The following SPG11 variants were observed in gnomAD, a reference collection of about 807,000 sequenced individuals.
SPG11 encodes spatacsin.
SPG11 carries 222 observed loss-of-function variants against 274.0 expected under a neutral mutation model. The observed-to-expected ratio is 0.81, with a 90% CI of 0.73 to 0.91. The LOEUF (loss-of-function observed/expected upper bound fraction) is 0.91. Ranked by LOEUF, SPG11 falls within the 40% of genes least tolerant of loss-of-function variation. The probability of loss-of-function intolerance (pLI) is 0.00; values close to 1 mark genes in which losing one functional copy is unlikely to be tolerated. For missense variants in SPG11, 3,114 were observed against 2,872.7 expected (o/e 1.08, Z -1.92); for synonymous variants, 1,144 against 1,039.7 (o/e 1.10, Z -1.93).
chr15:44,611,098 A>G, intron 17 of SPG11, 113 bp from the exon 18 acceptor site: 1 of 780,102 alleles, frequency 1.3e-6, no homozygotes, highest in Non-Finnish European at 1.9e-6. Flanking sequence ...CAGTAAAAAA[A>G]AAAAAAAAAA....
chr15:44,564,401 T>C lies in SPG11; in HGVS notation c.7151+146A>G, dbSNP rs1595815039. 1.2e-5 allele frequency: 9 copies of C among 752,930 alleles called. No individual in the cohort carries two copies. The East Asian group carries it at 2.1e-4, about 18-fold the overall frequency. The allele number at this position is 752,930 out of a possible 1,614,324, so 46.6% of individuals were successfully genotyped here. On this transcript the variant is annotated intron_variant, in intron 39 of 39. Transcript: ENST00000261866. ...CTTTGCATAAATCTGTTAAAAGACTTCCTTCTAAGGATTCTTGATACTGCT... is the reference window on the plus strand; with the variant it reads ...CTTTGCATAAATCTGTTAAAAGACTCCCTTCTAAGGATTCTTGATACTGCT...
chr15:44,571,217 C>T (rs1007686925), intron 33 of SPG11, among the ~76,000 whole-genome samples: 1 of 152,178 alleles, frequency 6.6e-6, no homozygotes, highest in Non-Finnish European at 1.5e-5. Context: ...AGCCTCTGGG[C>T]TTTTGCATCT....
chr15:44,654,640 A>C (rs2084884394), intron 4 of SPG11, among the ~76,000 whole-genome samples: 1 of 152,102 alleles, frequency 6.6e-6, no homozygotes, highest in Non-Finnish European at 1.5e-5. Context: ...ATAAGTTCAA[A>C]ACCAGCCTGG....
chr15:44,605,912 A>G (rs1595872683), intron 20 of SPG11, 113 bp downstream of exon 20: 27 of 933,264 alleles, frequency 2.9e-5, no homozygotes, highest in Non-Finnish European at 4.4e-5. Context: ...TTTGGAATAC[A>G]CCTTTACTTT....
intron 10 of SPG11, among the ~76,000 whole-genome samples, chr15:44,626,916 G>A (rs1028924460): frequency 6.6e-6 from 1 of 151,686 alleles, no homozygotes; most frequent in African/African-American, 2.4e-5. Flanking sequence ...GAGATAAGAG[G>A]ATAAGTGTTC....
intron 30 of SPG11, among the ~76,000 whole-genome samples, chr15:44,580,627 T>C (rs1250675880): frequency 3.9e-5 from 6 of 151,910 alleles, no homozygotes; most frequent in African/African-American, 1.2e-4. Flanking sequence ...AAATACAAAA[T>C]ACAAAATACA....
intron 13 of SPG11, 40 bp downstream of exon 13, chr15:44,622,180 C>T (rs761207496): frequency 1.1e-5 from 17 of 1,588,542 alleles, no homozygotes; most frequent in South Asian, 6.7e-5. Context: ...TACTATCTAA[C>T]GGTATTCTAA....
At chr15:44,649,232 T>C (rs2141099842) in intron 6 of SPG11, among the ~76,000 whole-genome samples, 1 of 152,200 alleles carries the variant, frequency 6.6e-6, no homozygotes, top group East Asian at 1.9e-4. Flanking sequence ...AGAGTCTCCC[T>C]CTATTGCCTA....
intron 32 of SPG11, among the ~76,000 whole-genome samples, 160 bp from the exon 33 acceptor site, chr15:44,572,980 C>CTTTTTTT (rs974510197): frequency 1.7e-4 from 14 of 83,298 alleles, no homozygotes; most frequent in Non-Finnish European, 2.0e-4. Flanking sequence ...GACAGGAGTT[C>CTTTTTTT]TTTTTTTTTT....
At chr15:44,594,522 G>A (rs1057087662) in intron 26 of SPG11, among the ~76,000 whole-genome samples, 1 of 149,908 alleles carries the variant, frequency 6.7e-6, no homozygotes, top group African/African-American at 2.5e-5. Context: ...GAGGCAGGAG[G>A]ATCACTGAGC....
intron 20 of SPG11, among the ~76,000 whole-genome samples, chr15:44,604,758 C>A (rs2083277317): frequency 6.6e-6 from 1 of 151,520 alleles, no homozygotes; most frequent in Non-Finnish European, 1.5e-5. Flanking sequence ...GAAACCCCAC[C>A]TCTACTAAAA....
At chr15:44,617,685 G>T (rs978775417) in intron 15 of SPG11, among the ~76,000 whole-genome samples, 2 of 151,538 alleles carry the variant, frequency 1.3e-5, no homozygotes. Flanking sequence ...TCTTTTTGTT[G>T]TTTTTTTTGA....
At chr15:44,593,325 G>A (rs2082950099) in intron 26 of SPG11, among the ~76,000 whole-genome samples, 4 of 152,084 alleles carry the variant, frequency 2.6e-5, no homozygotes, top group South Asian at 4.1e-4. Flanking sequence ...TAGAGTAGCT[G>A]GGACTAGAGG....
rs1199482659 is a variant in SPG11, at chr15:44,652,161, C to G, written c.975G>C (p.Met325Ile). Residue 325 changes from methionine (M) to isoleucine (I), a missense_variant, in exon 5 of 40, where the codon ATG becomes ATC. By Grantham distance (10) the Met-to-Ile change is conservative. Coordinates refer to ENST00000261866, the MANE Select transcript of SPG11 (RefSeq NM_025137.4). The stretch of plus-strand genomic sequence containing the variant: ...TTTGGAAGGAAAACTTGGCCAGTTT[C>G]ATGTTGTAGGCAGAGTTAACAGGAT... ...EDDPVNSAYN[M>I]KLAKFSFQID... 6.2e-7 allele frequency: 1 copy of G among 1,614,040 alleles called. No homozygotes were observed. Among genetic ancestry groups the G allele is most frequent in the Non-Finnish European group, 8.5e-7 (1 of 1,180,028 alleles).
intron 25 of SPG11, 46 bp from the exon 26 acceptor site, chr15:44,595,505 C>T: frequency 6.4e-7 from 1 of 1,552,962 alleles, no homozygotes; most frequent in Non-Finnish European, 8.9e-7. Flanking sequence ...GATTACCTGG[C>T]AAATGTACAA....
chr15:44,592,984 CAA>C (rs966388849), intron 26 of SPG11, among the ~76,000 whole-genome samples: 22 of 117,296 alleles, frequency 1.9e-4, no homozygotes, highest in Admixed American at 2.6e-4. Flanking sequence ...GACTCTGCCT[CAA>C]AAAAAAAAAA....
In SPG11 at chr15:44,596,316, C is replaced by G. The variant is rs745439746; in HGVS notation, c.4201G>C (p.Asp1401His). The change falls in exon 25 of 40, where the codon GAC (aspartate) becomes CAC (histidine). Residue 1401 changes from aspartate (D) to histidine (H), a missense_variant. Asp to His is a moderately conservative substitution (Grantham distance 81). Coordinates refer to ENST00000261866, the MANE Select transcript of SPG11 (RefSeq NM_025137.4). ...LIQYFSPVIQ[D>H]HLRLAFENLP... Reference sequence around the variant, plus strand: ...TTCTCAAAAGCCAGCCTTAAGTGGTCTTGAATGACTGGGCTGAAGTACTGG... The same window carrying G: ...TTCTCAAAAGCCAGCCTTAAGTGGTGTTGAATGACTGGGCTGAAGTACTGG... 5 of 1,614,118 alleles carry G rather than the reference C, an allele frequency of 3.1e-6. No individual in the cohort carries two copies. In the Admixed American group the frequency reaches 5.0e-5, roughly 16 times the overall value.
At chr15:44,569,662 A>G (rs1452144753) in intron 34 of SPG11, among the ~76,000 whole-genome samples, 157 bp from the exon 35 acceptor site, 2 of 151,644 alleles carry the variant, frequency 1.3e-5, no homozygotes, top group African/African-American at 4.8e-5. Flanking sequence ...CATGTACCCA[A>G]CAGGGGGCCT....
rs1346274332 is a variant in SPG11, at chr15:44,572,729, C to T, written c.6297G>A (p.Lys2099=). 6.2e-7 allele frequency: 1 copy of T among 1,614,174 alleles called. No homozygotes were observed. The highest frequency in any genetic ancestry group is 8.5e-7 in the Non-Finnish European group (1 of 1,180,012). Residue 2099 remains lysine, a synonymous_variant, in exon 33 of 40, where the codon AAG becomes AAA. Transcript: ENST00000261866. ...GAACGGAGGAAATCTTATCCAACAACTTCATGCCTACCAATGTGCGGTCTT... is the reference window on the plus strand; with the variant it reads ...GAACGGAGGAAATCTTATCCAACAATTTCATGCCTACCAATGTGCGGTCTT... The part of the protein sequence containing the change: ...LCQDRTLVGM[K]LLDKISSVPH...
Sources: gnomAD v4.1 joint callset for allele counts (sites outside exome capture counted in the v4.1 genomes callset) on GRCh38, gnomAD v4.1.1 for gene constraint, MANE v1.5 for transcripts, NCBI Gene and HGNC (gene_info 2026-07-23, HGNC 2026-07-21) for gene names.